The following ABCB5 variants were observed in gnomAD, a reference collection of about 807,000 sequenced individuals.
The protein encoded by ABCB5 is ATP binding cassette subfamily B member 5.
ABCB5 carries 155 observed loss-of-function variants against 144.2 expected under a neutral mutation model. The ratio of observed to expected loss-of-function variants is 1.08; its 90% CI spans 0.94 to 1.23. ABCB5 has a LOEUF of 1.23. Ranked by LOEUF, ABCB5 falls within the 50% of genes most tolerant of loss-of-function variation. The probability of loss-of-function intolerance (pLI) is 0.00; values close to 1 mark genes in which losing one functional copy is unlikely to be tolerated. For synonymous variants in ABCB5, 610 were observed against 528.6 expected (o/e 1.15, Z -2.11); for missense variants, 1,830 against 1,520.8 (o/e 1.20, Z -3.38).
chr7:20,652,524 C>T (rs1039110925), intron 13 of ABCB5, among the ~76,000 whole-genome samples: 1 of 152,048 alleles, frequency 6.6e-6, no homozygotes, highest in Non-Finnish European at 1.5e-5. Context: ...GAGCTGAGAT[C>T]GCACCACTGC....
intron 15 of ABCB5, among the ~76,000 whole-genome samples, chr7:20,682,529 G>T (rs551517552): frequency 6.6e-6 from 1 of 152,080 alleles, no homozygotes; most frequent in East Asian, 1.9e-4. Context: ...CTTGGTGTGC[G>T]ACTGAAACAA....
chr7:20,742,937 G>C lies in ABCB5; in HGVS notation c.3085G>C (p.Asp1029His). 3 of 1,614,166 alleles carry C rather than the reference G, an allele frequency of 1.9e-6. No homozygotes were observed. The highest frequency in any genetic ancestry group is 2.5e-6 in the Non-Finnish European group (3 of 1,180,034). Reference protein sequence around the residue: ...EVSFFYPCRPDVFILRGLSLS... With the variant: ...EVSFFYPCRPHVFILRGLSLS... Reference sequence around the variant, plus strand: ...CTCTTTCTTCTATCCATGTCGCCCAGATGTTTTCATCCTCCGTGGCTTATC... The same window carrying C: ...CTCTTTCTTCTATCCATGTCGCCCACATGTTTTCATCCTCCGTGGCTTATC... The change falls in exon 25 of 28, where the codon GAT becomes CAT. Residue 1029 changes from aspartate (D) to histidine (H), a missense_variant. Coordinates refer to ENST00000404938, the MANE Select transcript of ABCB5 (RefSeq NM_001163941.2).
chr7:20,741,102 CAA>C (rs752938155), intron 24 of ABCB5, among the ~76,000 whole-genome samples: 6 of 53,788 alleles, frequency 1.1e-4, no homozygotes, highest in Non-Finnish European at 3.8e-5. Context: ...GACTCCTTCT[CAA>C]AAAAAAAAAA....
chr7:20,617,699 T>G (rs1385882832), intron 1 of ABCB5, among the ~76,000 whole-genome samples: 1 of 152,192 alleles, frequency 6.6e-6, no homozygotes, highest in Non-Finnish European at 1.5e-5. Flanking sequence ...ATATATAATC[T>G]AACTGTATGC....
intron 16 of ABCB5, among the ~76,000 whole-genome samples, chr7:20,692,159 AAC>A (rs1786252205): frequency 6.6e-6 from 1 of 152,162 alleles, no homozygotes. Context: ...AAGCATAAGA[AAC>A]ATAAGAAATC....
rs1273328194 is a variant in ABCB5, at chr7:20,686,083, G to T, written c.2010+247G>T. On this transcript the variant is annotated intron_variant, in intron 16 of 27. Transcript: ENST00000404938. ...AAAAAATCTCGTGAGACTGTTACAT[G>T]ATGTTTTTCCTATGAAGCAAACCAT... Among the ~76,000 whole-genome samples, 5 of 152,112 alleles carry T rather than the reference G, an allele frequency of 3.3e-5. No homozygotes were observed. In the East Asian group the frequency reaches 9.6e-4, roughly 29 times the overall value.
At chr7:20,752,582 C>A (rs1421506121) in intron 26 of ABCB5, among the ~76,000 whole-genome samples, 2 of 152,216 alleles carry the variant, frequency 1.3e-5, no homozygotes, top group Non-Finnish European at 2.9e-5. Context: ...GGCGCGGTAG[C>A]TCACGCCTGC....
At chr7:20,704,122 C>G (rs1786734401) in intron 19 of ABCB5, among the ~76,000 whole-genome samples, 1 of 121,458 alleles carries the variant, frequency 8.2e-6, no homozygotes, top group African/African-American at 3.2e-5. Flanking sequence ...GGCATCCGAG[C>G]TGGAGTGCAG....
At chr7:20,692,890 C>G (rs1786281921) in intron 16 of ABCB5, among the ~76,000 whole-genome samples, 1 of 151,948 alleles carries the variant, frequency 6.6e-6, no homozygotes. Flanking sequence ...TCAGTTTATC[C>G]AGAACTGCAA....
intron 21 of ABCB5, 97 bp downstream of exon 21, chr7:20,723,316 T>C: frequency 1.6e-6 from 2 of 1,223,032 alleles, no homozygotes; most frequent in Admixed American, 4.0e-5. Context: ...ACCATCTTTA[T>C]GATATATTAA....
In ABCB5 at chr7:20,622,463, T is replaced by C. The variant is rs115161765; in HGVS notation, c.-21-802T>C. Reference sequence around the variant, plus strand: ...TCTGATCCACTTTCAATGAGAAGTTTACTATTTGAAAGCTTATTAGCTTTT... The same window carrying C: ...TCTGATCCACTTTCAATGAGAAGTTCACTATTTGAAAGCTTATTAGCTTTT... On this transcript the variant is annotated intron_variant, in intron 1 of 27. Coordinates refer to ENST00000404938, the MANE Select transcript of ABCB5 (RefSeq NM_001163941.2). Among the ~76,000 whole-genome samples, 1,303 of 152,256 alleles carry C rather than the reference T, an allele frequency of 8.6e-3. 18 individuals are homozygous for C. The highest frequency in any genetic ancestry group is 0.03 in the African/African-American group (1,255 of 41,580).
intron 24 of ABCB5, among the ~76,000 whole-genome samples, chr7:20,741,607 T>C (rs2128055032): frequency 6.6e-6 from 1 of 152,276 alleles, no homozygotes; most frequent in South Asian, 2.1e-4. Flanking sequence ...AACCACATCT[T>C]AACATCAAAT....
At position 20,645,756 on chromosome 7, in the gene ABCB5, A is replaced by G. The variant is rs916524957; in HGVS notation, c.679A>G (p.Met227Val). The G allele has an allele frequency of 1.2e-6, 2 of 1,613,670 alleles. No individual in the cohort carries two copies. Among genetic ancestry groups the G allele is most frequent in the Non-Finnish European group, 1.7e-6 (2 of 1,179,684 alleles). The change falls in exon 8 of 28, where the codon ATG becomes GTG. Residue 227 changes from methionine to valine, a missense_variant and splice_region_variant. Physicochemically the swap from Met to Val is conservative, Grantham distance 21 (BLOSUM62 1). Coordinates refer to ENST00000404938, the MANE Select transcript of ABCB5 (RefSeq NM_001163941.2). ...TAACTGTGGTTGTGGTTTATTACAG[A>G]TGGTCATCTCATTGACCAGTAAGGA... ...IMASAAACSR[M>V]VISLTSKELS...
rs5882752 is a variant in ABCB5, at chr7:20,665,866, TAA to T, written c.1707+7205_1707+7206del. Among the ~76,000 whole-genome samples the T allele has an allele frequency of 7.1e-3, 1,028 of 145,144 alleles. 6 individuals are homozygous for T. Among genetic ancestry groups the T allele is most frequent in the East Asian group, 0.022 (108 of 4,988 alleles). ...CTATTTGTTGAAAGGATTTTGCAGT[TAA>T]AAAAAAAAAAAAAATGTTGGGCCGG... On this transcript the variant is annotated intron_variant, in intron 14 of 27. Coordinates refer to ENST00000404938, the MANE Select transcript of ABCB5 (RefSeq NM_001163941.2).
intron 23 of ABCB5, among the ~76,000 whole-genome samples, chr7:20,737,746 C>T (rs1190862020): frequency 6.7e-6 from 1 of 149,160 alleles, no homozygotes; most frequent in Non-Finnish European, 1.5e-5. Context: ...GCATTAAAAA[C>T]ACATTTAAAA....
chr7:20,688,253 T>C (rs1054037081), intron 16 of ABCB5, among the ~76,000 whole-genome samples: 2 of 151,630 alleles, frequency 1.3e-5, no homozygotes, highest in East Asian at 3.9e-4. Flanking sequence ...AATAATGAAA[T>C]GAAAAAGAAA....
At position 20,648,017 on chromosome 7, in the gene ABCB5, T is replaced by C. The variant is rs534432580; in HGVS notation, c.1145T>C (p.Ile382Thr). The C allele has an allele frequency of 1.2e-6, 2 of 1,612,228 alleles. No homozygotes were observed. The highest frequency in any genetic ancestry group is 2.7e-5 in the African/African-American group (2 of 75,036). Residue 382 changes from isoleucine to threonine, a missense_variant, in exon 11 of 28, where the codon ATA (isoleucine) becomes ACA (threonine). By Grantham distance (89) the Ile-to-Thr change is moderately conservative. Coordinates refer to ENST00000404938, the MANE Select transcript of ABCB5 (RefSeq NM_001163941.2). ...FSTAGYKPES[I>T]EGTVEFKNVS... ...ACAGCTGGATATAAACCTGAATCCA[T>C]AGAAGGAACTGTGGAATTTAAAAAT...
chr7:20,707,516 G>A (rs1786859407), intron 20 of ABCB5, among the ~76,000 whole-genome samples: 1 of 152,146 alleles, frequency 6.6e-6, no homozygotes, highest in Non-Finnish European at 1.5e-5. Context: ...ACTCAATTCT[G>A]TAAAATTACA....
intron 7 of ABCB5, among the ~76,000 whole-genome samples, chr7:20,644,225 C>T (rs978643364): frequency 1.3e-5 from 2 of 152,014 alleles, no homozygotes; most frequent in Non-Finnish European, 2.9e-5. Context: ...GCTGGGACTA[C>T]AGGCAACCAC....
Sources: allele counts gnomAD v4.1 joint callset (sites outside exome capture counted in the v4.1 genomes callset), GRCh38; gene constraint gnomAD v4.1.1; transcripts MANE v1.5; gene names NCBI Gene and HGNC (gene_info 2026-07-23, HGNC 2026-07-21).